SFMBT2: variants seen among roughly 807,000 people sequenced by gnomAD.
SFMBT2 encodes Scm like with four mbt domains 2.
A neutral mutation model predicts 110.1 loss-of-function variants in SFMBT2; 38 were observed. The ratio of observed to expected loss-of-function variants is 0.35; its 90% CI spans 0.27 to 0.45. The LOEUF is 0.45. SFMBT2 is among the 20% of genes least tolerant of loss of function. The probability of loss-of-function intolerance (pLI) is 1.00; values close to 1 mark genes in which losing one functional copy is unlikely to be tolerated. For missense variants in SFMBT2, 1,011 were observed against 1,094.9 expected (o/e 0.92, Z 1.08); for synonymous variants, 425 against 425.4 (o/e 1.00, Z 0.01).
intron 1 of SFMBT2, among the ~76,000 whole-genome samples, chr10:7,383,714 C>T (rs1588499474): frequency 6.6e-6 from 1 of 152,196 alleles, no homozygotes; most frequent in South Asian, 2.1e-4. Flanking sequence ...AGGCCCCTGT[C>T]AATGCGAGAT....
chr10:7,376,868 A>AAC (rs4002234), intron 2 of SFMBT2, among the ~76,000 whole-genome samples: 3 of 147,236 alleles, frequency 2.0e-5, no homozygotes, highest in South Asian at 2.2e-4. Context: ...AAAAAAAAAA[A>AAC]CAAACATAAG....
At chr10:7,298,776 T>A (rs1842482132) in intron 4 of SFMBT2, among the ~76,000 whole-genome samples, 1 of 152,202 alleles carries the variant, frequency 6.6e-6, no homozygotes, top group East Asian at 1.9e-4. Context: ...TGTTCGTGTG[T>A]GTGTGTGTAT....
chr10:7,188,768 A>G (rs1838504502), intron 15 of SFMBT2, 35 bp from the exon 16 acceptor site: 1 of 1,544,396 alleles, frequency 6.5e-7, no homozygotes, highest in Non-Finnish European at 8.9e-7. Context: ...CTGAGCTGCA[A>G]TTGCATTCAT....
Position 7,283,944 on chromosome 10 carries a change from A to G in SFMBT2, c.732T>C (p.Gly244=). The change falls in exon 6 of 21, where the codon GGT becomes GGC. Residue 244 remains glycine, a synonymous_variant. Coordinates refer to ENST00000397167, the MANE Select transcript of SFMBT2 (RefSeq NM_001387889.1). ...FYLDYRLRPV[G]WCQENKYRMD... ...TTCTGTATTTATTCTCTTGACACCA[A>G]CCAACTGGTCGAAGTCTGTAATCCA... 1 of 1,606,340 alleles carries G rather than the reference A, an allele frequency of 6.2e-7. No individual in the cohort carries two copies. Among genetic ancestry groups the G allele is most frequent in the Non-Finnish European group, 8.5e-7 (1 of 1,172,830 alleles).
intron 4 of SFMBT2, among the ~76,000 whole-genome samples, chr10:7,356,247 A>C (rs1051503784): frequency 6.6e-6 from 1 of 152,234 alleles, no homozygotes; most frequent in African/African-American, 2.4e-5. Context: ...GGCCCCTCTC[A>C]TCCTCGTGGA....
intron 4 of SFMBT2, among the ~76,000 whole-genome samples, chr10:7,322,896 T>C (rs1208490129): frequency 3.3e-5 from 5 of 152,158 alleles, no homozygotes; most frequent in African/African-American, 1.2e-4. Context: ...CTGTGGAAAA[T>C]GACTGTCTCA....
At chr10:7,238,639 A>G (rs1287792559) in intron 9 of SFMBT2, among the ~76,000 whole-genome samples, 2 of 152,200 alleles carry the variant, frequency 1.3e-5, no homozygotes, top group Non-Finnish European at 2.9e-5. Flanking sequence ...TGTGTCTATT[A>G]AATGGTCAGC....
intron 7 of SFMBT2, among the ~76,000 whole-genome samples, chr10:7,268,405 G>C (rs1288095408): frequency 3.3e-5 from 5 of 152,150 alleles, no homozygotes; most frequent in African/African-American, 1.2e-4. Flanking sequence ...ATGGAAACTG[G>C]GGCGTTTTGC....
intron 9 of SFMBT2, among the ~76,000 whole-genome samples, chr10:7,234,687 C>T (rs182973166): frequency 7.2e-5 from 11 of 152,150 alleles, no homozygotes; most frequent in South Asian, 6.2e-4. Flanking sequence ...CCGGGCGGGA[C>T]GATCTGACAG....
chr10:7,371,920 A>ACTT (rs1554811162), intron 2 of SFMBT2, among the ~76,000 whole-genome samples: 13 of 77,738 alleles, frequency 1.7e-4, no homozygotes, highest in Admixed American at 9.4e-4. Flanking sequence ...TCCACCTGTA[A>ACTT]TTTTTTTTTT....
intron 11 of SFMBT2, among the ~76,000 whole-genome samples, chr10:7,210,210 T>C (rs146110834): frequency 6.6e-6 from 1 of 152,298 alleles, no homozygotes; most frequent in Non-Finnish European, 1.5e-5. Flanking sequence ...CAGGTGACTG[T>C]AATCGAGACA....
intron 4 of SFMBT2, among the ~76,000 whole-genome samples, chr10:7,323,381 G>A (rs937559375): frequency 6.7e-6 from 1 of 149,812 alleles, no homozygotes; most frequent in African/African-American, 2.5e-5. Flanking sequence ...AACCCAGGAG[G>A]CGGAGGTTGC....
intron 15 of SFMBT2, among the ~76,000 whole-genome samples, chr10:7,196,425 T>C (rs2131592669): frequency 6.6e-6 from 1 of 152,352 alleles, no homozygotes; most frequent in Non-Finnish European, 1.5e-5. Flanking sequence ...ATCAGGATCC[T>C]ACACACTCTG....
intron 7 of SFMBT2, among the ~76,000 whole-genome samples, chr10:7,250,480 G>T (rs1402933177): frequency 6.6e-6 from 1 of 152,146 alleles, no homozygotes; most frequent in Non-Finnish European, 1.5e-5. Context: ...TCTTTATCCA[G>T]TCGATCACTG....
At chr10:7,310,971 C>T (rs1564433163) in intron 4 of SFMBT2, among the ~76,000 whole-genome samples, 3 of 149,508 alleles carry the variant, frequency 2.0e-5, no homozygotes, top group Middle Eastern at 3.4e-3. Context: ...CGCTTGAACC[C>T]GGGAGGCAGA....
intron 4 of SFMBT2, among the ~76,000 whole-genome samples, chr10:7,339,150 G>A (rs936570006): frequency 4.6e-5 from 7 of 152,272 alleles, no homozygotes; most frequent in Admixed American, 4.6e-4. Flanking sequence ...TGAGGCAGAA[G>A]AATCACTTGA....
chr10:7,162,239 G>C lies in SFMBT2; in HGVS notation c.*1531C>G, dbSNP rs1246814799. The C allele has an allele frequency of 6.6e-6, 1 of 152,212 alleles. No homozygotes were observed. The highest frequency in any genetic ancestry group is 6.5e-5 in the Admixed American group (1 of 15,284). 9.4% of individuals were successfully genotyped at this position (152,212 alleles called of 1,614,324 possible). On this transcript the variant is annotated 3_prime_UTR_variant, in exon 21 of 21. Transcript: ENST00000397167. Reference sequence around the variant, plus strand: ...CAGAAAGAGCTGTAAGAATGGCCGAGTCAGAACTGGGACCAGACCCTTCTT... The same window carrying C: ...CAGAAAGAGCTGTAAGAATGGCCGACTCAGAACTGGGACCAGACCCTTCTT...
At chr10:7,219,497 C>T (rs1839655319) in intron 11 of SFMBT2, among the ~76,000 whole-genome samples, 1 of 152,162 alleles carries the variant, frequency 6.6e-6, no homozygotes, top group African/African-American at 2.4e-5. Flanking sequence ...CCTTTGCAGA[C>T]ATTTTATAGA....
intron 16 of SFMBT2, among the ~76,000 whole-genome samples, chr10:7,186,089 C>T (rs892406928): frequency 9.9e-5 from 15 of 151,958 alleles, no homozygotes; most frequent in African/African-American, 2.4e-4. Context: ...ATAAAAGGTA[C>T]GGTTGTTGGA....
Sources: gnomAD v4.1 joint callset for allele counts (sites outside exome capture counted in the v4.1 genomes callset) on GRCh38, gnomAD v4.1.1 for gene constraint, MANE v1.5 for transcripts, NCBI Gene and HGNC (gene_info 2026-07-23, HGNC 2026-07-21) for gene names.